Variants in CHN1 observed in about 807,000 individuals in gnomAD.
The protein encoded by CHN1 is chimerin 1.
CHN1 carries 37 observed loss-of-function variants against 59.5 expected under a neutral mutation model. That is an observed-to-expected ratio of 0.62 (90% CI 0.48 to 0.82). The LOEUF is 0.82. Ranked by LOEUF, CHN1 falls within the 40% of genes least tolerant of loss-of-function variation. The probability of loss-of-function intolerance (pLI) is 0.00; values close to 1 mark genes in which losing one functional copy is unlikely to be tolerated. For missense variants in CHN1, 469 were observed against 571.0 expected (o/e 0.82, Z 1.82); for synonymous variants, 206 against 200.4 (o/e 1.03, Z -0.24).
At chr2:174,948,447 AC>A (rs1689912788) in intron 2 of CHN1, among the ~76,000 whole-genome samples, 1 of 152,090 alleles carries the variant, frequency 6.6e-6, no homozygotes, top group Admixed American at 6.6e-5. Context: ...AAGCGACAAA[AC>A]CGTATTTGTT....
intron 7 of CHN1, among the ~76,000 whole-genome samples, chr2:174,830,919 C>A (rs1235329183): frequency 6.6e-6 from 1 of 152,088 alleles, no homozygotes; most frequent in Non-Finnish European, 1.5e-5. Context: ...AAATTGGTGA[C>A]CTAATTTTAA....
At chr2:174,940,523 T>C (rs1338987308) in intron 3 of CHN1, among the ~76,000 whole-genome samples, 1 of 149,270 alleles carries the variant, frequency 6.7e-6, no homozygotes, top group Non-Finnish European at 1.5e-5. Context: ...TTTTATATCA[T>C]CCCACCACTG....
At chr2:174,986,806 G>A (rs950048188) in intron 1 of CHN1, among the ~76,000 whole-genome samples, 1 of 152,198 alleles carries the variant, frequency 6.6e-6, no homozygotes, top group Non-Finnish European at 1.5e-5. Flanking sequence ...GCGCGATCTG[G>A]GCTCAGTGCA....
At chr2:174,942,958 G>A (rs1167920192) in intron 3 of CHN1, among the ~76,000 whole-genome samples, 1 of 151,916 alleles carries the variant, frequency 6.6e-6, no homozygotes, top group Non-Finnish European at 1.5e-5. Flanking sequence ...GGCAGAGGTA[G>A]GAGTATCACT....
chr2:174,887,257 T>C (rs563994527), intron 5 of CHN1, among the ~76,000 whole-genome samples: 31 of 152,206 alleles, frequency 2.0e-4, no homozygotes, highest in African/African-American at 7.2e-4. Context: ...TTCTCTCTAA[T>C]GAAGATATTA....
At chr2:174,933,237 G>C (rs1451235558) in intron 3 of CHN1, among the ~76,000 whole-genome samples, 1 of 152,146 alleles carries the variant, frequency 6.6e-6, no homozygotes, top group Non-Finnish European at 1.5e-5. Context: ...ATAAAGAAAT[G>C]TAAGTTACAT....
intron 1 of CHN1, among the ~76,000 whole-genome samples, chr2:174,973,334 G>A (rs67729723): frequency 0.05 from 7,662 of 152,232 alleles, 288 homozygotes; most frequent in African/African-American, 0.1. Context: ...AGATGCCACA[G>A]AGCACTGTAA....
chr2:174,802,424 C>T (rs1276428297), intron 11 of CHN1, among the ~76,000 whole-genome samples: 49 of 152,228 alleles, frequency 3.2e-4, no homozygotes. Flanking sequence ...AAAATGCACA[C>T]ATTTTCTATG....
At chr2:174,869,395 A>G (rs1687331484) in intron 6 of CHN1, among the ~76,000 whole-genome samples, 1 of 152,242 alleles carries the variant, frequency 6.6e-6, no homozygotes, top group African/African-American at 2.4e-5. Flanking sequence ...TAATAAATAA[A>G]AAGAGGAAAA....
chr2:174,812,401 AC>A lies in CHN1; in HGVS notation c.793del (p.Val265CysfsTer10). 1 of 1,613,966 alleles carries A rather than the reference AC, an allele frequency of 6.2e-7. No homozygotes were observed. The highest frequency in any genetic ancestry group is 8.5e-7 in the Non-Finnish European group (1 of 1,179,880). On this transcript the variant is annotated frameshift_variant, in exon 9 of 13. Transcript: ENST00000409900. LOFTEE classifies it high-confidence loss of function. The stretch of plus-strand genomic sequence containing the variant: ...GAGCGTCGTAAGGTCACAGCTGTAC[AC>A]CTTTTTGACATGCTTCAAGTCTGGC... The part of the protein sequence containing the change: ...CKPDLKHVKK[V>X]YSCDLTTLVK...
intron 5 of CHN1, among the ~76,000 whole-genome samples, chr2:174,909,019 A>G (rs1202380778): frequency 6.6e-6 from 1 of 152,214 alleles, no homozygotes; most frequent in African/African-American, 2.4e-5. Context: ...TTATCAAAAC[A>G]TATTTTACAA....
intron 7 of CHN1, among the ~76,000 whole-genome samples, chr2:174,832,750 C>T (rs1685923092): frequency 6.6e-6 from 1 of 152,014 alleles, no homozygotes; most frequent in Non-Finnish European, 1.5e-5. Context: ...CTGAGAAATG[C>T]TTCATTAGGT....
Position 174,877,881 on chromosome 2 carries a change from C to G in CHN1, c.508G>C (p.Glu170Gln). The change falls in exon 6 of 13, where the codon GAG (glutamate) becomes CAG (glutamine). Residue 170 changes from glutamate to glutamine, a missense_variant. Glu to Gln is a conservative substitution (Grantham distance 29, BLOSUM62 2). Transcript: ENST00000409900. ...HMPVLKETHD[E>Q]RDSTGQDGVS... ...CCATCCTGGCCTGTAGAATCTCTCTCATCATGTGTCTCTTTCAGGACTGGC... is the reference window on the plus strand; with the variant it reads ...CCATCCTGGCCTGTAGAATCTCTCTGATCATGTGTCTCTTTCAGGACTGGC... 6.2e-7 allele frequency: 1 copy of G among 1,613,842 alleles called. No homozygotes were observed. Among genetic ancestry groups the G allele is most frequent in the African/African-American group, 1.3e-5 (1 of 75,038 alleles).
chr2:174,844,152 A>T (rs1247238859), intron 7 of CHN1, among the ~76,000 whole-genome samples: 1 of 151,964 alleles, frequency 6.6e-6, no homozygotes, highest in Non-Finnish European at 1.5e-5. Flanking sequence ...GGATATAACT[A>T]TCCTTCTTGT....
chr2:174,990,486 G>T (rs1000827138), intron 1 of CHN1, among the ~76,000 whole-genome samples: 14 of 152,064 alleles, frequency 9.2e-5, no homozygotes, highest in Non-Finnish European at 2.9e-5. Flanking sequence ...GCAAGAAAGG[G>T]GCTTGTGGCT....
At chr2:174,960,335 A>C (rs1690357730) in intron 1 of CHN1, among the ~76,000 whole-genome samples, 1 of 152,224 alleles carries the variant, frequency 6.6e-6, no homozygotes, top group Admixed American at 6.5e-5. Context: ...AACCAGCTTA[A>C]TCCATTATGA....
At chr2:174,954,229 T>C (rs1205396) in intron 1 of CHN1, among the ~76,000 whole-genome samples, 2,305 of 152,064 alleles carry the variant, frequency 0.015, 53 homozygotes, top group African/African-American at 0.052. Context: ...GCTGGGAAAA[T>C]TGGCAAGCCA....
intron 3 of CHN1, among the ~76,000 whole-genome samples, chr2:174,939,585 T>A (rs2141559): frequency 6.6e-6 from 1 of 152,040 alleles, no homozygotes; most frequent in Non-Finnish European, 1.5e-5. Context: ...GTCTTACTAA[T>A]AAATACTTCA....
At chr2:174,802,111 T>A (rs1379369981) in intron 11 of CHN1, 3 of 302,792 alleles carry the variant, frequency 9.9e-6, no homozygotes, top group Non-Finnish European at 1.9e-5. Flanking sequence ...GAATACAGGA[T>A]GTAACTACAA....
Sources: gnomAD v4.1 joint callset for allele counts (sites outside exome capture counted in the v4.1 genomes callset) on GRCh38, gnomAD v4.1.1 for gene constraint, MANE v1.5 for transcripts, NCBI Gene and HGNC (gene_info 2026-07-23, HGNC 2026-07-21) for gene names.